Variants in LRRFIP2 observed in about 807,000 individuals in gnomAD.
LRRFIP2 encodes leucine-rich repeat flightless-interacting protein 2.
A neutral mutation model predicts 125.9 loss-of-function variants in LRRFIP2; 109 were observed. The ratio of observed to expected loss-of-function variants is 0.87; its 90% CI spans 0.74 to 1.01. The LOEUF (loss-of-function observed/expected upper bound fraction) is 1.01, where lower values mean the gene tolerates loss of function less well. Among genes scored for constraint, LRRFIP2 ranks in the 50% least tolerant of loss-of-function variants. LRRFIP2 has a pLI of 0.00. For synonymous variants in LRRFIP2, 291 were observed against 293.1 expected (o/e 0.99, Z 0.07); for missense variants, 850 against 862.3 (o/e 0.99, Z 0.18).
At chr3:37,162,588 G>C (rs1254175661) in intron 1 of LRRFIP2, among the ~76,000 whole-genome samples, 1 of 152,098 alleles carries the variant, frequency 6.6e-6, no homozygotes, top group Non-Finnish European at 1.5e-5. Flanking sequence ...TACACTCTTT[G>C]TCAATAAGCT....
chr3:37,080,793 C>A (rs1196098249), intron 19 of LRRFIP2, among the ~76,000 whole-genome samples: 1 of 152,082 alleles, frequency 6.6e-6, no homozygotes, highest in East Asian at 1.9e-4. Context: ...AGGACCTATA[C>A]ATGAAAAGAG....
At chr3:37,139,343 G>T (rs1287545044) in intron 2 of LRRFIP2, among the ~76,000 whole-genome samples, 4 of 152,166 alleles carry the variant, frequency 2.6e-5, no homozygotes, top group African/African-American at 9.6e-5. Flanking sequence ...CAACAAAACA[G>T]GAAGGTATTT....
intron 19 of LRRFIP2, among the ~76,000 whole-genome samples, chr3:37,081,579 C>G (rs6764898): frequency 3.2e-4 from 48 of 152,024 alleles, no homozygotes; most frequent in African/African-American, 1.1e-3. Context: ...AAAAACAATA[C>G]ATTTTAGGTT....
At chr3:37,136,027 A>G (rs1266704704) in intron 2 of LRRFIP2, among the ~76,000 whole-genome samples, 1 of 152,248 alleles carries the variant, frequency 6.6e-6, no homozygotes, top group Non-Finnish European at 1.5e-5. Context: ...CAAAAAGTAG[A>G]AATAACCCAA....
At chr3:37,085,387 G>T (rs766240001) in intron 18 of LRRFIP2, among the ~76,000 whole-genome samples, 2 of 151,566 alleles carry the variant, frequency 1.3e-5, no homozygotes, top group Admixed American at 1.3e-4. Context: ...CGGGCATGGT[G>T]GTGGGTGCCT....
At chr3:37,122,242 T>C (rs941301737) in intron 4 of LRRFIP2, among the ~76,000 whole-genome samples, 3 of 151,578 alleles carry the variant, frequency 2.0e-5, no homozygotes, top group Non-Finnish European at 4.4e-5. Flanking sequence ...ACAAAGGACA[T>C]GAACTCATCC....
At chr3:37,159,070 G>A (rs1027607446) in intron 1 of LRRFIP2, among the ~76,000 whole-genome samples, 2 of 151,972 alleles carry the variant, frequency 1.3e-5, no homozygotes, top group Admixed American at 6.6e-5. Flanking sequence ...CTACCTCAAG[G>A]CCATGAAGAT....
intron 25 of LRRFIP2, among the ~76,000 whole-genome samples, chr3:37,057,118 C>G (rs2087112708): frequency 6.6e-6 from 1 of 152,182 alleles, no homozygotes; most frequent in African/African-American, 2.4e-5. Context: ...TCCTGCAAAG[C>G]TCACTTTGTT....
intron 1 of LRRFIP2, among the ~76,000 whole-genome samples, chr3:37,156,652 C>T (rs146015717): frequency 0.034 from 3,608 of 107,602 alleles, 74 homozygotes; most frequent in Middle Eastern, 0.094. Context: ...CCAGCCTGGG[C>T]GACAGAGCGA....
intron 18 of LRRFIP2, 58 bp from the exon 19 acceptor site, chr3:37,083,864 T>C (rs2092833221): frequency 7.6e-7 from 1 of 1,320,426 alleles, no homozygotes; most frequent in Non-Finnish European, 1.0e-6. Flanking sequence ...ATACATGCAA[T>C]ATAACAGGAA....
intron 2 of LRRFIP2, among the ~76,000 whole-genome samples, chr3:37,141,413 T>C (rs1416204005): frequency 1.3e-5 from 2 of 152,226 alleles, no homozygotes; most frequent in African/African-American, 4.8e-5. Context: ...CTACTTACTA[T>C]TCTGGCAGTT....
intron 14 of LRRFIP2, among the ~76,000 whole-genome samples, chr3:37,104,940 G>A (rs1233988765): frequency 6.6e-6 from 1 of 151,810 alleles, no homozygotes; most frequent in African/African-American, 2.4e-5. Context: ...AAACTCCTGG[G>A]CTCAAGCAAT....
At chr3:37,138,854 G>C (rs1449214588) in intron 2 of LRRFIP2, among the ~76,000 whole-genome samples, 2 of 152,160 alleles carry the variant, frequency 1.3e-5, no homozygotes, top group Non-Finnish European at 2.9e-5. Context: ...TCCTTACTAA[G>C]TTGAGAACTT....
At chr3:37,107,821 AAATAT>A (rs2094399857) in intron 13 of LRRFIP2, among the ~76,000 whole-genome samples, 1 of 152,238 alleles carries the variant, frequency 6.6e-6, no homozygotes, top group East Asian at 1.9e-4. Context: ...AATGAAAATT[AAATAT>A]AAAAACTTTA....
intron 8 of LRRFIP2, among the ~76,000 whole-genome samples, 189 bp downstream of exon 8, chr3:37,112,726 G>C (rs1268422847): frequency 2.0e-5 from 3 of 152,186 alleles, no homozygotes; most frequent in African/African-American, 7.2e-5. Context: ...AACTCTGGCT[G>C]CTAGGGTTTG....
At chr3:37,069,685 TA>T (rs1380231628) in intron 21 of LRRFIP2, among the ~76,000 whole-genome samples, 2 of 152,218 alleles carry the variant, frequency 1.3e-5, no homozygotes, top group Non-Finnish European at 1.5e-5. Flanking sequence ...ACTGTACACT[TA>T]AAAATAGTTA....
chr3:37,111,068 G>C lies in LRRFIP2; in HGVS notation c.439-3C>G. 3 of 1,612,188 alleles carry C rather than the reference G, an allele frequency of 1.9e-6. No homozygotes were observed. The highest frequency in any genetic ancestry group is 2.5e-6 in the Non-Finnish European group (3 of 1,178,868). ...CTCTGGTCAAAGTAGAGGCCACTCT[G>C]CAAAAAGCAAAATTAAACACATTTT... On this transcript the variant is annotated splice_polypyrimidine_tract_variant and splice_region_variant and intron_variant, in intron 8 of 27. Transcript: ENST00000336686.
intron 4 of LRRFIP2, 150 bp from the exon 5 acceptor site, chr3:37,121,841 CGTGTGTGTGT>C (rs60540567): frequency 0.018 from 9,219 of 520,872 alleles, 115 homozygotes; most frequent in African/African-American, 0.073. Context: ...CAGCCACATT[CGTGTGTGTGT>C]GTGTGTGTGT....
At chr3:37,102,630 C>T (rs2094124586) in intron 15 of LRRFIP2, among the ~76,000 whole-genome samples, 1 of 151,234 alleles carries the variant, frequency 6.6e-6, no homozygotes, top group African/African-American at 2.4e-5. Context: ...TCCAGAGTAG[C>T]TGGGATTACA....
Sources: allele counts gnomAD v4.1 joint callset (sites outside exome capture counted in the v4.1 genomes callset), GRCh38; gene constraint gnomAD v4.1.1; transcripts MANE v1.5; gene names NCBI Gene and HGNC (gene_info 2026-07-23, HGNC 2026-07-21).